NALF1: variants seen among roughly 807,000 people sequenced by gnomAD.
The protein encoded by NALF1 is family with sequence similarity 155 member A.
Under a neutral mutation model 48.4 loss-of-function variants are expected in NALF1, and 3 were observed. The observed-to-expected ratio is 0.06, with a 90% CI of 0.03 to 0.16. NALF1 has a LOEUF of 0.16. Ranked by LOEUF, NALF1 falls within the 10% of genes least tolerant of loss-of-function variation. The probability of loss-of-function intolerance (pLI) is 1.00; values close to 1 mark genes in which losing one functional copy is unlikely to be tolerated. For synonymous variants in NALF1, 262 were observed against 245.7 expected (o/e 1.07, Z -0.62); for missense variants, 526 against 571.5 (o/e 0.92, Z 0.81).
intron 1 of NALF1, among the ~76,000 whole-genome samples, chr13:107,524,188 C>T (rs905835878): frequency 2.5e-4 from 38 of 152,154 alleles, no homozygotes; most frequent in African/African-American, 8.9e-4. Flanking sequence ...TTTAAATTTC[C>T]ACAAATAATG....
At chr13:107,241,458 C>T (rs1191700207) in intron 1 of NALF1, among the ~76,000 whole-genome samples, 4 of 152,218 alleles carry the variant, frequency 2.6e-5, no homozygotes, top group African/African-American at 9.6e-5. Context: ...ATGGCGCCTA[C>T]TCAATGAGAG....
At chr13:107,799,253 A>G (rs907344250) in intron 1 of NALF1, among the ~76,000 whole-genome samples, 1 of 152,138 alleles carries the variant, frequency 6.6e-6, no homozygotes, top group Non-Finnish European at 1.5e-5. Context: ...AAATCTTAAA[A>G]TATTATGTTG....
At chr13:107,403,722 T>TA (rs140714156) in intron 1 of NALF1, among the ~76,000 whole-genome samples, 86,673 of 150,448 alleles carry the variant, frequency 0.58, 25,171 homozygotes, top group African/African-American at 0.64. Flanking sequence ...GCCACAAATT[T>TA]TAAAAAAAAA....
chr13:107,681,653 T>C (rs1240487861), intron 1 of NALF1, among the ~76,000 whole-genome samples: 1 of 152,134 alleles, frequency 6.6e-6, no homozygotes, highest in Non-Finnish European at 1.5e-5. Flanking sequence ...TCCCCAAGGC[T>C]GGTCCAATCT....
chr13:107,722,801 A>G lies in NALF1; in HGVS notation c.915+142881T>C, dbSNP rs569190058. Among the ~76,000 whole-genome samples the G allele has an allele frequency of 2.0e-5, 3 of 152,258 alleles. No individual in the cohort carries two copies. In the East Asian group the frequency reaches 5.8e-4, roughly 29 times the overall value. ...TAAGAATCACAGATGCTGCAGAGAA[A>G]GCACTCAGCCCAGTCAGCTCAGATT... On this transcript the variant is annotated intron_variant, in intron 1 of 2. Coordinates refer to ENST00000375915, the MANE Select transcript of NALF1 (RefSeq NM_001080396.3).
intron 1 of NALF1, among the ~76,000 whole-genome samples, chr13:107,630,480 A>G (rs148229945): frequency 1.1e-3 from 173 of 152,240 alleles, no homozygotes; most frequent in African/African-American, 3.8e-3. Context: ...AGTACTCAAA[A>G]GTCATCTTTG....
chr13:107,397,947 T>C (rs998777089), intron 1 of NALF1, among the ~76,000 whole-genome samples: 7 of 152,202 alleles, frequency 4.6e-5, no homozygotes, highest in Non-Finnish European at 8.8e-5. Context: ...GAGTGGTTAA[T>C]ATGCTGTTAC....
chr13:107,250,640 C>G (rs1325777777), intron 1 of NALF1, among the ~76,000 whole-genome samples: 1 of 152,130 alleles, frequency 6.6e-6, no homozygotes, highest in Non-Finnish European at 1.5e-5. Context: ...AGTTTCGGCG[C>G]ATTGGTAGAG....
intron 2 of NALF1, among the ~76,000 whole-genome samples, chr13:107,180,339 A>G (rs1282576841): frequency 6.6e-6 from 1 of 152,046 alleles, no homozygotes; most frequent in Non-Finnish European, 1.5e-5. Context: ...TCTGAGGGAT[A>G]AATATTTTCG....
At chr13:107,614,312 T>C (rs540301603) in intron 1 of NALF1, among the ~76,000 whole-genome samples, 4 of 152,330 alleles carry the variant, frequency 2.6e-5, no homozygotes, top group African/African-American at 9.6e-5. Flanking sequence ...ATCTAGTCTT[T>C]TTGTAAGTAC....
chr13:107,315,139 T>A (rs1174704036), intron 1 of NALF1, among the ~76,000 whole-genome samples: 2 of 152,078 alleles, frequency 1.3e-5, no homozygotes, highest in Non-Finnish European at 2.9e-5. Flanking sequence ...CCTTTCTGAA[T>A]GCCCTTTCTT....
In NALF1 at chr13:107,866,899, GGA is replaced by G. The variant is rs35939139; in HGVS notation, c.-305_-304del. Among the ~76,000 whole-genome samples, 44,773 of 149,544 alleles carry G rather than the reference GGA, an allele frequency of 0.3. 8,194 individuals carry two copies. The highest frequency in any genetic ancestry group is 0.43 in the Non-Finnish European group (28,804 of 67,182). On this transcript the variant is annotated 5_prime_UTR_variant, in exon 1 of 3. Transcript: ENST00000375915. The surrounding 1 kb of genome is among the most constrained non-coding windows in gnomAD (Gnocchi z 4.4). ...CCTCTGTAGAGTGGGAAACAATAAT[GGA>G]GAGAGAGAGAGAGAGAGAGACGGAG...
At chr13:107,499,427 C>A (rs1054814461) in intron 1 of NALF1, among the ~76,000 whole-genome samples, 4 of 152,082 alleles carry the variant, frequency 2.6e-5, no homozygotes, top group African/African-American at 4.8e-5. Flanking sequence ...TCACTGCAGC[C>A]GCAAACTCCT....
intron 1 of NALF1, among the ~76,000 whole-genome samples, chr13:107,274,950 T>C (rs1430533288): frequency 1.3e-5 from 2 of 152,110 alleles, no homozygotes; most frequent in Non-Finnish European, 2.9e-5. Flanking sequence ...TACTACTTCA[T>C]GACTGGTTAG....
chr13:107,735,556 A>C (rs1394567582), intron 1 of NALF1, among the ~76,000 whole-genome samples: 1 of 152,210 alleles, frequency 6.6e-6, no homozygotes, highest in Non-Finnish European at 1.5e-5. Flanking sequence ...CTCTGAGATT[A>C]AGTTGGAAGA....
chr13:107,555,235 T>C (rs2138387934), intron 1 of NALF1, among the ~76,000 whole-genome samples: 1 of 151,928 alleles, frequency 6.6e-6, no homozygotes, highest in Non-Finnish European at 1.5e-5. Context: ...ACTTACGTTG[T>C]GAGGGGAGAA....
At chr13:107,315,291 C>T (rs1384449812) in intron 1 of NALF1, among the ~76,000 whole-genome samples, 1 of 151,910 alleles carries the variant, frequency 6.6e-6, no homozygotes, top group African/African-American at 2.4e-5. Flanking sequence ...CACTCTTATC[C>T]CTCTGAGCCA....
At chr13:107,258,777 G>T (rs1184197981) in intron 1 of NALF1, among the ~76,000 whole-genome samples, 1 of 117,568 alleles carries the variant, frequency 8.5e-6, no homozygotes, top group Non-Finnish European at 1.7e-5. Flanking sequence ...AAGGAAACAT[G>T]TTTATGAAAG....
At chr13:107,842,739 A>T (rs1471325219) in intron 1 of NALF1, among the ~76,000 whole-genome samples, 1 of 151,994 alleles carries the variant, frequency 6.6e-6, no homozygotes, top group Non-Finnish European at 1.5e-5. Flanking sequence ...ACAAACGAGC[A>T]AAAATTCCTT....
Sources: gnomAD v4.1 joint callset for allele counts (sites outside exome capture counted in the v4.1 genomes callset) on GRCh38, gnomAD v4.1.1 for gene constraint, Gnocchi (gnomAD v3.1) non-coding constraint, MANE v1.5 for transcripts, NCBI Gene and HGNC (gene_info 2026-07-23, HGNC 2026-07-21) for gene names.